EGFL7: variants seen among roughly 807,000 people sequenced by gnomAD.
EGFL7 encodes EGF like domain multiple 7.
A neutral mutation model predicts 37.1 loss-of-function variants in EGFL7; 48 were observed. That is an observed-to-expected ratio of 1.29 (90% CI 1.03 to 1.65). The LOEUF is 1.65. Ranked by LOEUF, EGFL7 falls within the 40% of genes most tolerant of loss-of-function variation. The pLI is 0.00. For missense variants in EGFL7, 384 were observed against 378.9 expected (o/e 1.01, Z -0.11); for synonymous variants, 180 against 156.8 (o/e 1.15, Z -1.10).
chr9:136,672,307 G>C lies in EGFL7; in HGVS notation c.*21G>C, dbSNP rs1845973808. 1.2e-6 allele frequency: 2 copies of C among 1,613,000 alleles called. No homozygotes were observed. Among genetic ancestry groups the C allele is most frequent in the Admixed American group, 1.7e-5 (1 of 59,988 alleles). ...CGTGACTGCCCAGCGCCCCAGGCTG[G>C]ACTGAGCCCCTCACGCCGCCCTGCA... On this transcript the variant is annotated 3_prime_UTR_variant, in exon 11 of 11. Coordinates refer to ENST00000308874, the MANE Select transcript of EGFL7 (RefSeq NM_016215.5).
Position 136,669,598 on chromosome 9 carries a change from C to T in EGFL7, c.198-8C>T. 1 of 1,605,056 alleles carries T rather than the reference C, an allele frequency of 6.2e-7. No individual in the cohort carries two copies. The highest frequency in any genetic ancestry group is 1.1e-5 in the South Asian group (1 of 90,142). ...ATGCCCCTCTGAGCTGTCCCACCCA[C>T]CCCACAGAACCATCTATAGGACCGC... On this transcript the variant is annotated splice_region_variant and splice_polypyrimidine_tract_variant and intron_variant, in intron 5 of 10. Transcript: ENST00000308874.
At chr9:136,659,027 C>G (rs1489655881), upstream of EGFL7, 1 of 152,232 alleles carries the variant, frequency 6.6e-6, no homozygotes, top group Non-Finnish European at 1.5e-5. Flanking sequence ...GACTCCAGTC[C>G]TGGGCCTCCG....
chr9:136,666,196 A>G lies in EGFL7; in HGVS notation c.-43+1411A>G, dbSNP rs1262905298. Reference sequence around the variant, plus strand: ...GCCCCCCGCGAACCCCGGAGCCAGCAGCGCGGCTGGGAGGGGGCGGCGGGC... The same window carrying G: ...GCCCCCCGCGAACCCCGGAGCCAGCGGCGCGGCTGGGAGGGGGCGGCGGGC... On this transcript the variant is annotated intron_variant, in intron 3 of 10. Coordinates refer to ENST00000308874, the MANE Select transcript of EGFL7 (RefSeq NM_016215.5). This position sits in a 1 kb window ranked among gnomAD's most constrained non-coding sequence, Gnocchi z 6.8. Among the ~76,000 whole-genome samples the G allele has an allele frequency of 4.0e-5, 6 of 150,778 alleles. No individual in the cohort carries two copies. Among genetic ancestry groups the G allele is most frequent in the Non-Finnish European group, 7.4e-5 (5 of 67,462 alleles).
intron 10 of EGFL7, 58 bp downstream of exon 10, chr9:136,672,146 G>A (rs925481732): frequency 4.3e-5 from 68 of 1,575,212 alleles, no homozygotes; most frequent in Non-Finnish European, 5.7e-5. Context: ...TGGGCCTAGA[G>A]GGGCTACCCA....
chr9:136,666,213 G>A lies in EGFL7; in HGVS notation c.-43+1428G>A, dbSNP rs1415857732. 6.6e-6 allele frequency among the ~76,000 whole-genome samples: 1 copy of A among 151,148 alleles called. No individual in the cohort carries two copies. The highest frequency in any genetic ancestry group is 1.5e-5 in the Non-Finnish European group (1 of 67,582). On this transcript the variant is annotated intron_variant, in intron 3 of 10. Transcript: ENST00000308874. This position sits in a 1 kb window ranked among gnomAD's most constrained non-coding sequence, Gnocchi z 6.8. The stretch of plus-strand genomic sequence containing the variant: ...GAGCCAGCAGCGCGGCTGGGAGGGG[G>A]CGGCGGGCAGGTCCGTCTCGCTCCG...
intron 2 of EGFL7, among the ~76,000 whole-genome samples, chr9:136,664,170 CCT>C (rs985028742): frequency 6.6e-6 from 1 of 152,206 alleles, no homozygotes; most frequent in African/African-American, 2.4e-5. Flanking sequence ...AGGAACGCCC[CCT>C]GACAGCAGCT....
In EGFL7 at chr9:136,672,039, C is replaced by G. The variant is rs557018245; in HGVS notation, c.750C>G (p.Ile250Met). Residue 250 changes from isoleucine (I) to methionine (M), a missense_variant, in exon 10 of 11, where the codon ATC becomes ATG. By Grantham distance (10) the Ile-to-Met change is conservative (BLOSUM62 1). Transcript: ENST00000308874. ...ACTCCTTCCAGCAGCTCGGCCGCAT[C>G]GACTCCCTGAGCGAGCAGATTTCCT... Reference protein sequence around the residue: ...LVHSFQQLGRIDSLSEQISFL... With the variant: ...LVHSFQQLGRMDSLSEQISFL... The G allele has an allele frequency of 6.5e-7, 1 of 1,545,520 alleles. No homozygotes were observed. Among genetic ancestry groups the G allele is most frequent in the Non-Finnish European group, 8.7e-7 (1 of 1,146,910 alleles).
intron 9 of EGFL7, among the ~76,000 whole-genome samples, chr9:136,671,694 TCTC>T (rs1267128103): frequency 6.6e-6 from 1 of 151,698 alleles, no homozygotes; most frequent in Non-Finnish European, 1.5e-5. Context: ...TCCCCCTAGT[TCTC>T]CTGCCAGGGA....
intron 3 of EGFL7, among the ~76,000 whole-genome samples, chr9:136,667,630 C>T (rs1252486305): frequency 6.6e-6 from 1 of 152,202 alleles, no homozygotes; most frequent in Non-Finnish European, 1.5e-5. Context: ...ACACATATCC[C>T]AGCCTGGGAA....
intron 9 of EGFL7, among the ~76,000 whole-genome samples, 169 bp from the exon 10 acceptor site, chr9:136,671,757 T>C (rs1845919884): frequency 6.6e-6 from 1 of 152,154 alleles, no homozygotes; most frequent in Non-Finnish European, 1.5e-5. Flanking sequence ...GCACCCACTC[T>C]GCGGCAAGCT....
chr9:136,660,119 C>T (rs1845047832), upstream of EGFL7, among the ~76,000 whole-genome samples: 1 of 152,118 alleles, frequency 6.6e-6, no homozygotes, highest in Non-Finnish European at 1.5e-5. Context: ...GGGAGGGGCC[C>T]GCCTGCCCCT....
intron 9 of EGFL7, among the ~76,000 whole-genome samples, chr9:136,671,425 G>A (rs1845887955): frequency 1.3e-5 from 2 of 152,060 alleles, no homozygotes; most frequent in African/African-American, 4.8e-5. Flanking sequence ...GATGGCTGGG[G>A]GTGGTCTGAA....
chr9:136,670,786 C>T (rs1281401580), intron 8 of EGFL7, 164 bp from the exon 9 acceptor site: 2 of 744,880 alleles, frequency 2.7e-6, no homozygotes, highest in African/African-American at 1.7e-5. Flanking sequence ...CGTACTTAGG[C>T]GGCATAGCCC....
chr9:136,666,062 C>G lies in EGFL7; in HGVS notation c.-43+1277C>G, dbSNP rs1689817928. ...GGCCCCGGGAACCGGCTCCCCCTGC[C>G]GGCGGCGGGCGGGCGGGCGGCGCGG... On this transcript the variant is annotated intron_variant, in intron 3 of 10. Transcript: ENST00000308874. This position sits in a 1 kb window ranked among gnomAD's most constrained non-coding sequence, Gnocchi z 6.8. Among the ~76,000 whole-genome samples, 1 of 143,040 alleles carries G rather than the reference C, an allele frequency of 7.0e-6. No individual in the cohort carries two copies. The highest frequency in any genetic ancestry group is 1.5e-5 in the Non-Finnish European group (1 of 65,102). The allele number at this position is 143,040 out of a possible 152,430, so 93.8% of individuals were successfully genotyped here. A position where few individuals can be genotyped will look rare whatever the true frequency, so the allele number is the denominator to read the frequency against.
At chr9:136,668,442 C>T (rs919428648) in intron 4 of EGFL7, 80 bp downstream of exon 4, 4 of 1,511,128 alleles carry the variant, frequency 2.6e-6, no homozygotes, top group African/African-American at 2.7e-5. Context: ...GCCCTCAGCA[C>T]CTGTCGGGGA....
chr9:136,665,400 C>T lies in EGFL7; in HGVS notation c.-43+615C>T, dbSNP rs145298862. Among the ~76,000 whole-genome samples the T allele has an allele frequency of 9.4e-3, 1,436 of 152,322 alleles. 16 individuals are homozygous for T. Among genetic ancestry groups the T allele is most frequent in the African/African-American group, 0.032 (1,331 of 41,580 alleles). On this transcript the variant is annotated intron_variant, in intron 3 of 10. Coordinates refer to ENST00000308874, the MANE Select transcript of EGFL7 (RefSeq NM_016215.5). Reference sequence around the variant, plus strand: ...CCCCCAGCGGCTGAGATGGGCGTCCCGGGGTGGTTTTCAGCCTGGGGGGCT... The same window carrying T: ...CCCCCAGCGGCTGAGATGGGCGTCCTGGGGTGGTTTTCAGCCTGGGGGGCT...
At position 136,668,616 on chromosome 9, in the gene EGFL7, G is replaced by C. The variant is rs374275228; in HGVS notation, c.140G>C (p.Arg47Pro). ...GDPVSESFVQ[R>P]VYQPFLTTCD... Reference sequence around the variant, plus strand: ...CCTGTCTCCGAGTCGTTCGTGCAGCGTGTGTACCAGCCCTTCCTCACCACC... The same window carrying C: ...CCTGTCTCCGAGTCGTTCGTGCAGCCTGTGTACCAGCCCTTCCTCACCACC... Residue 47 changes from arginine to proline, a missense_variant, in exon 5 of 11, where the codon CGT (arginine) becomes CCT (proline). Physicochemically the swap from Arg to Pro is moderately radical, Grantham distance 103. Transcript: ENST00000308874. 2 of 1,607,554 alleles carry C rather than the reference G, an allele frequency of 1.2e-6. No individual in the cohort carries two copies. Among genetic ancestry groups the C allele is most frequent in the Non-Finnish European group, 1.7e-6 (2 of 1,179,774 alleles).
chr9:136,661,324 G>A (rs1038818083), upstream of EGFL7, among the ~76,000 whole-genome samples: 3 of 152,134 alleles, frequency 2.0e-5, no homozygotes, highest in Non-Finnish European at 4.4e-5. Flanking sequence ...GGCTGGCCAG[G>A]GCAGGATGAG....
chr9:136,672,298 C>T lies in EGFL7; in HGVS notation c.*12C>T, dbSNP rs748925980. On this transcript the variant is annotated 3_prime_UTR_variant, in exon 11 of 11. Transcript: ENST00000308874. The stretch of plus-strand genomic sequence containing the variant: ...AGAAAGACTCGTGACTGCCCAGCGC[C>T]CCAGGCTGGACTGAGCCCCTCACGC... The T allele has an allele frequency of 2.5e-6, 4 of 1,613,222 alleles. 1 individual carries two copies. Among genetic ancestry groups the T allele is most frequent in the Middle Eastern group, 3.3e-4 (2 of 6,062 alleles).
Sources: allele counts gnomAD v4.1 joint callset (sites outside exome capture counted in the v4.1 genomes callset), GRCh38; gene constraint gnomAD v4.1.1; non-coding constraint Gnocchi (gnomAD v3.1); transcripts MANE v1.5; gene names NCBI Gene and HGNC (gene_info 2026-07-23, HGNC 2026-07-21).